PDCD11: variants seen among roughly 807,000 people sequenced by gnomAD.
The protein encoded by PDCD11 is programmed cell death 11.
PDCD11 carries 97 observed loss-of-function variants against 198.9 expected under a neutral mutation model. That is an observed-to-expected ratio of 0.49 (90% CI 0.41 to 0.58). PDCD11 has a LOEUF of 0.58. Ranked by LOEUF, PDCD11 falls within the 20% of genes least tolerant of loss-of-function variation. The pLI is 0.00. For synonymous variants in PDCD11, 893 were observed against 918.0 expected (o/e 0.97, Z 0.49); for missense variants, 2,102 against 2,312.7 (o/e 0.91, Z 1.87).
chr10:103,420,169 G>A (rs1053522003), intron 16 of PDCD11, among the ~76,000 whole-genome samples: 1 of 152,006 alleles, frequency 6.6e-6, no homozygotes, highest in African/African-American at 2.4e-5. Flanking sequence ...AGGCACCTGG[G>A]AGGGGTGAGT....
At chr10:103,430,814 T>C (rs965941107) in intron 21 of PDCD11, among the ~76,000 whole-genome samples, 1 of 152,056 alleles carries the variant, frequency 6.6e-6, no homozygotes, top group African/African-American at 2.4e-5. Flanking sequence ...CTTTTTTTTT[T>C]TTAAATGGAG....
intron 21 of PDCD11, among the ~76,000 whole-genome samples, chr10:103,430,515 T>C (rs975883650): frequency 6.6e-5 from 10 of 152,214 alleles, no homozygotes; most frequent in Non-Finnish European, 1.0e-4. Flanking sequence ...GGTAATTCTA[T>C]TTTTAATATT....
rs1422639195 is a variant in PDCD11, at chr10:103,421,428, G to A, written c.2358G>A (p.Val786=). 5 of 1,607,728 alleles carry A rather than the reference G, an allele frequency of 3.1e-6. No individual in the cohort carries two copies. The Admixed American group carries it at 6.8e-5, about 22-fold the overall frequency. The change falls in exon 17 of 36, where the codon GTG becomes GTA. Residue 786 remains valine (V), a synonymous_variant. Coordinates refer to ENST00000369797, the MANE Select transcript of PDCD11 (RefSeq NM_014976.2). ...CAGTAGCGGCAAAGGTGACCAATGTGGATGAGGAGAAGCAGCGGATGCTGC... is the reference window on the plus strand; with the variant it reads ...CAGTAGCGGCAAAGGTGACCAATGTAGATGAGGAGAAGCAGCGGATGCTGC... The part of the protein sequence containing the change: ...GQTVAAKVTN[V]DEEKQRMLLS...
chr10:103,413,398 T>G (rs2030923083), intron 9 of PDCD11, 76 bp downstream of exon 9: 2 of 1,191,628 alleles, frequency 1.7e-6, no homozygotes, highest in East Asian at 4.8e-5. Context: ...CATTTCTGCT[T>G]CTTTCATTCC....
At chr10:103,412,684 A>C (rs1287371558) in intron 8 of PDCD11, among the ~76,000 whole-genome samples, 1 of 152,114 alleles carries the variant, frequency 6.6e-6, no homozygotes, top group African/African-American at 2.4e-5. Flanking sequence ...GGGCTGTCTC[A>C]GACTCCTGAT....
intron 3 of PDCD11, among the ~76,000 whole-genome samples, chr10:103,401,925 G>A (rs918031456): frequency 2.0e-5 from 3 of 151,876 alleles, no homozygotes; most frequent in Admixed American, 6.6e-5. Flanking sequence ...TGTATTTTTG[G>A]TAGAGACGGG....
intron 12 of PDCD11, 22 bp downstream of exon 12, chr10:103,415,173 T>C: frequency 6.2e-7 from 1 of 1,612,696 alleles, no homozygotes; most frequent in Non-Finnish European, 8.5e-7. Flanking sequence ...GAAGGGTCTC[T>C]TGGGGTTTTG....
intron 20 of PDCD11, 66 bp from the exon 21 acceptor site, chr10:103,427,263 T>A: frequency 1.4e-6 from 2 of 1,430,090 alleles, no homozygotes; most frequent in Non-Finnish European, 2.0e-6. Flanking sequence ...TAGGGAGAAA[T>A]CCTGACCTAC....
chr10:103,407,274 T>C (rs575921917), intron 7 of PDCD11, among the ~76,000 whole-genome samples: 3 of 152,278 alleles, frequency 2.0e-5, no homozygotes, highest in East Asian at 3.9e-4. Context: ...GAAAAGATTT[T>C]GGTCTCTCTT....
chr10:103,415,374 T>C (rs2271751), intron 12 of PDCD11, among the ~76,000 whole-genome samples: 41,293 of 152,158 alleles, frequency 0.27, 6,682 homozygotes, highest in South Asian at 0.5. Context: ...CTGTGATCTT[T>C]TGCCATGTGG....
At chr10:103,396,965 G>T (rs987229919) in intron 1 of PDCD11, among the ~76,000 whole-genome samples, 1 of 152,030 alleles carries the variant, frequency 6.6e-6, no homozygotes, top group South Asian at 2.1e-4. Context: ...GTTTCCCCTT[G>T]CTTGAAAGGA....
At chr10:103,405,291 G>A in intron 5 of PDCD11, 108 bp downstream of exon 5, 1 of 1,080,640 alleles carries the variant, frequency 9.3e-7, no homozygotes. Flanking sequence ...TGACACATAG[G>A]AGTGGTTCTT....
chr10:103,420,161 G>T (rs910797294), intron 16 of PDCD11, among the ~76,000 whole-genome samples: 18 of 152,044 alleles, frequency 1.2e-4, no homozygotes, highest in African/African-American at 4.3e-4. Flanking sequence ...TGACATAAAG[G>T]CACCTGGGAG....
intron 21 of PDCD11, among the ~76,000 whole-genome samples, chr10:103,429,942 C>A (rs1042149844): frequency 6.6e-6 from 1 of 152,150 alleles, no homozygotes; most frequent in African/African-American, 2.4e-5. Flanking sequence ...GTGATGTCTT[C>A]AAGGTTTATC....
Position 103,400,488 on chromosome 10 carries a change from G to T in PDCD11, c.194G>T (p.Ser65Ile), listed in dbSNP as rs2029962739. The change falls in exon 3 of 36, where the codon AGC (serine) becomes ATC (isoleucine). Residue 65 changes from serine to isoleucine, a missense_variant. Ser to Ile is a moderately radical substitution (Grantham distance 142). Transcript: ENST00000369797. ...TTGAAAATCGAAAAGAGAGAAAGCA[G>T]CAAGTCCGCAAGAGAGAAGTTTGAA... The part of the protein sequence containing the change: ...KKLKIEKRES[S>I]KSAREKFEIL... The T allele has an allele frequency of 1.2e-6, 2 of 1,613,882 alleles. No individual in the cohort carries two copies. The highest frequency in any genetic ancestry group is 1.6e-4 in the Middle Eastern group (1 of 6,080).
chr10:103,408,370 A>G (rs528858595), intron 7 of PDCD11, among the ~76,000 whole-genome samples: 1 of 152,098 alleles, frequency 6.6e-6, no homozygotes, highest in East Asian at 1.9e-4. Context: ...TTAGTGTGGT[A>G]CATTATCCAG....
In PDCD11 at chr10:103,438,685, G is replaced by C. The variant is rs1213490593; in HGVS notation, c.3903-1G>C. ...TGCATGTAAGCCTTTTATTCCTTTA[G>C]AACAAACCCGGAGACGAAAAGCAAA... On this transcript the variant is annotated splice_acceptor_variant, in intron 26 of 35. Coordinates refer to ENST00000369797, the MANE Select transcript of PDCD11 (RefSeq NM_014976.2). LOFTEE classifies it high-confidence loss of function. 2.5e-6 allele frequency: 4 copies of C among 1,614,164 alleles called. No individual in the cohort carries two copies. The highest frequency in any genetic ancestry group is 3.4e-6 in the Non-Finnish European group (4 of 1,180,028).
At chr10:103,443,138 C>T (rs2032459660) in intron 32 of PDCD11, 27 bp from the exon 33 acceptor site, 2 of 1,547,908 alleles carry the variant, frequency 1.3e-6, no homozygotes, top group South Asian at 2.4e-5. Flanking sequence ...TCATGTGGCG[C>T]TCATGTGCTG....
Position 103,405,130 on chromosome 10 carries a change from A to G in PDCD11, c.511A>G (p.Asn171Asp), listed in dbSNP as rs754441410. 1 of 1,614,132 alleles carries G rather than the reference A, an allele frequency of 6.2e-7. No individual in the cohort carries two copies. The highest frequency in any genetic ancestry group is 1.1e-5 in the South Asian group (1 of 91,082). The change falls in exon 5 of 36, where the codon AAC (asparagine) becomes GAC (aspartate). Residue 171 changes from asparagine to aspartate, a missense_variant. By Grantham distance (23) the Asn-to-Asp change is conservative. Transcript: ENST00000369797. ...RGKKSVKLSL[N>D]PKNVNRVLSA... Reference sequence around the variant, plus strand: ...CAAGAAGAGTGTCAAGCTGTCTCTGAACCCCAAAAATGTCAACAGAGTGCT... The same window carrying G: ...CAAGAAGAGTGTCAAGCTGTCTCTGGACCCCAAAAATGTCAACAGAGTGCT...
Sources: allele counts gnomAD v4.1 joint callset (sites outside exome capture counted in the v4.1 genomes callset), GRCh38; gene constraint gnomAD v4.1.1; transcripts MANE v1.5; gene names NCBI Gene and HGNC (gene_info 2026-07-23, HGNC 2026-07-21).